Variants in PBRM1 observed in about 807,000 individuals in gnomAD.
PBRM1 encodes the protein polybromo 1.
PBRM1 carries 27 observed loss-of-function variants against 194.5 expected under a neutral mutation model. That is an observed-to-expected ratio of 0.14 (90% CI 0.10 to 0.19). PBRM1 has a LOEUF of 0.19. Ranked by LOEUF, PBRM1 falls within the 10% of genes least tolerant of loss-of-function variation. PBRM1 has a pLI of 1.00. For missense variants in PBRM1, 1,466 were observed against 2,077.2 expected (o/e 0.71, Z 5.72); for synonymous variants, 655 against 693.2 (o/e 0.94, Z 0.87).
At position 52,609,977 on chromosome 3, in the gene PBRM1, TAAATG is replaced by T; in HGVS notation, c.1925-27_1925-23del. The stretch of plus-strand genomic sequence containing the variant: ...CTACCTAAAGAGAGATATTTAATGT[TAAATG>T]AATAAAATAAATGAACCTAAATTTG... On this transcript the variant is annotated intron_variant, in intron 15 of 29. Transcript: ENST00000296302. This position sits in a 1 kb window ranked among gnomAD's most constrained non-coding sequence, Gnocchi z 4.1. 1 of 1,364,422 alleles carries T rather than the reference TAAATG, an allele frequency of 7.3e-7. No homozygotes were observed. Among genetic ancestry groups the T allele is most frequent in the Non-Finnish European group, 9.8e-7 (1 of 1,017,052 alleles). The allele number at this position is 1,364,422 out of a possible 1,614,324, so 84.5% of individuals were successfully genotyped here.
chr3:52,599,655 C>CAAAAAAAAAAAAAAAAA (rs71615864), intron 17 of PBRM1, among the ~76,000 whole-genome samples: 1 of 123,000 alleles, frequency 8.1e-6, no homozygotes. Context: ...ACTAAAAATA[C>CAAAAAAAAAAAAAAAAA]AAAAAAAAAA....
intron 20 of PBRM1, among the ~76,000 whole-genome samples, chr3:52,583,080 G>A (rs1270707217): frequency 1.6e-5 from 2 of 124,824 alleles, no homozygotes; most frequent in African/African-American, 6.2e-5. Context: ...CTTGGGGACA[G>A]AGTGAGACTC....
At chr3:52,562,987 C>T (rs2084043115) in intron 24 of PBRM1, among the ~76,000 whole-genome samples, 1 of 152,058 alleles carries the variant, frequency 6.6e-6, no homozygotes, top group Non-Finnish European at 1.5e-5. Flanking sequence ...TGCTTTTCTT[C>T]AGCACAAGGA....
intron 2 of PBRM1, among the ~76,000 whole-genome samples, chr3:52,672,408 T>G (rs2096967143): frequency 6.6e-6 from 1 of 152,050 alleles, no homozygotes; most frequent in African/African-American, 2.4e-5. Context: ...AATGTGGAAA[T>G]ATTTGGGCAC....
At chr3:52,562,712 A>G (rs1248544629) in intron 24 of PBRM1, among the ~76,000 whole-genome samples, 2 of 151,778 alleles carry the variant, frequency 1.3e-5, no homozygotes, top group African/African-American at 4.8e-5. Context: ...CCTAATTTTT[A>G]AAATTTTTAG....
At chr3:52,588,935 AC>A (rs148658830) in intron 18 of PBRM1, 134 bp downstream of exon 20, 40 of 643,544 alleles carry the variant, frequency 6.2e-5, no homozygotes, top group Non-Finnish European at 1.0e-4. Context: ...GTGCTTACTT[AC>A]ATTTATTGAC....
chr3:52,558,485 C>T, intron 25 of PBRM1, 72 bp from the exon 28 acceptor site: 1 of 1,302,732 alleles, frequency 7.7e-7, no homozygotes. Context: ...TTGCATTCAA[C>T]AGGACTAGTA....
chr3:52,570,403 C>T (rs947052260), intron 22 of PBRM1, among the ~76,000 whole-genome samples: 1 of 152,224 alleles, frequency 6.6e-6, no homozygotes, highest in Non-Finnish European at 1.5e-5. Context: ...ACTATCACTG[C>T]TTTGAACTTA....
intron 7 of PBRM1, among the ~76,000 whole-genome samples, chr3:52,647,476 A>C (rs1486259964): frequency 2.6e-5 from 3 of 115,406 alleles, no homozygotes; most frequent in Non-Finnish European, 5.8e-5. Flanking sequence ...ATATATATAT[A>C]TATATATATA....
Position 52,550,646 on chromosome 3 carries a change from G to A in PBRM1, c.4681-9C>T, listed in dbSNP as rs201780543. 132 of 1,550,986 alleles carry A rather than the reference G, an allele frequency of 8.5e-5. No individual in the cohort carries two copies. The African/African-American group carries it at 1.3e-3, about 15-fold the overall frequency. Reference sequence around the variant, plus strand: ...GGCCCCAAAACTCCCACCTGAAAGAGCACAGGACCACATGGTGAGGCAAAA... The same window carrying A: ...GGCCCCAAAACTCCCACCTGAAAGAACACAGGACCACATGGTGAGGCAAAA... On this transcript the variant is annotated splice_polypyrimidine_tract_variant and intron_variant, in intron 28 of 29. Transcript: ENST00000296302.
intron 5 of PBRM1, 79 bp downstream of exon 6, chr3:52,658,120 T>C (rs1012847933): frequency 4.0e-6 from 3 of 755,240 alleles, no homozygotes; most frequent in African/African-American, 1.7e-5. Context: ...ACTTACTTTA[T>C]TTATCAGTAA....
chr3:52,604,609 C>T (rs1323684451), intron 16 of PBRM1, among the ~76,000 whole-genome samples: 1 of 152,050 alleles, frequency 6.6e-6, no homozygotes, highest in African/African-American at 2.4e-5. Context: ...GGGAGGGTCA[C>T]TTGAGCCCAG....
intron 22 of PBRM1, among the ~76,000 whole-genome samples, chr3:52,574,817 G>A (rs2088865824): frequency 6.6e-6 from 1 of 152,170 alleles, no homozygotes; most frequent in Non-Finnish European, 1.5e-5. Context: ...TTGGCTCCAC[G>A]TATTTACGAA....
chr3:52,569,829 CATG>C (rs1406894705), intron 22 of PBRM1, among the ~76,000 whole-genome samples: 1 of 152,052 alleles, frequency 6.6e-6, no homozygotes, highest in Non-Finnish European at 1.5e-5. Flanking sequence ...TACTGTTTGC[CATG>C]ATTTCTTAGT....
At chr3:52,658,118 T>C in intron 5 of PBRM1, 81 bp downstream of exon 6, 1 of 754,430 alleles carries the variant, frequency 1.3e-6, no homozygotes, top group Non-Finnish European at 2.4e-6. Flanking sequence ...GAACTTACTT[T>C]ATTTATCAGT....
chr3:52,548,585 C>T (rs2080054955), intron 29 of PBRM1, among the ~76,000 whole-genome samples: 1 of 152,108 alleles, frequency 6.6e-6, no homozygotes, highest in Admixed American at 6.5e-5. Context: ...TGCCACCAAG[C>T]CTGGCTGATT....
At position 52,609,075 on chromosome 3, in the gene PBRM1, T is replaced by C. The variant is rs2094487334; in HGVS notation, c.2567+238A>G. ...TTTAAGTTTATGCTTTTCAAGAGATTTTCAATTTTGTCTTCCTCCTCACTG... is the reference window on the plus strand; with the variant it reads ...TTTAAGTTTATGCTTTTCAAGAGATCTTCAATTTTGTCTTCCTCCTCACTG... On this transcript the variant is annotated intron_variant, in intron 16 of 29. Transcript: ENST00000296302. The surrounding 1 kb of genome is among the most constrained non-coding windows in gnomAD (Gnocchi z 4.1). The C allele has an allele frequency of 4.8e-6, 2 of 413,820 alleles. No individual in the cohort carries two copies. Among genetic ancestry groups the C allele is most frequent in the South Asian group, 5.1e-5 (1 of 19,774 alleles). 25.6% of individuals were successfully genotyped at this position (413,820 alleles called of 1,614,324 possible).
chr3:52,568,322 C>T (rs1220156744), intron 22 of PBRM1, among the ~76,000 whole-genome samples: 1 of 152,160 alleles, frequency 6.6e-6, no homozygotes, highest in Non-Finnish European at 1.5e-5. Context: ...TTGCCTATTT[C>T]CCTGCTGGAT....
At chr3:52,569,208 A>G (rs1381127568) in intron 22 of PBRM1, among the ~76,000 whole-genome samples, 3 of 149,572 alleles carry the variant, frequency 2.0e-5, no homozygotes, top group African/African-American at 7.5e-5. Flanking sequence ...TTCTTTTTCA[A>G]TATGATTTTT....
Sources: allele counts gnomAD v4.1 joint callset (sites outside exome capture counted in the v4.1 genomes callset), GRCh38; gene constraint gnomAD v4.1.1; non-coding constraint Gnocchi (gnomAD v3.1); transcripts MANE v1.5; gene names NCBI Gene and HGNC (gene_info 2026-07-23, HGNC 2026-07-21).